Variants in DNAH5 observed in about 807,000 individuals in gnomAD.
DNAH5 encodes dynein axonemal heavy chain 5.
DNAH5 carries 372 observed loss-of-function variants against 518.2 expected under a neutral mutation model. The ratio of observed to expected loss-of-function variants is 0.72; its 90% confidence interval spans 0.66 to 0.78. The LOEUF (loss-of-function observed/expected upper bound fraction) is 0.78. DNAH5 is among the 30% of genes least tolerant of loss of function. The pLI, the probability that DNAH5 is intolerant of heterozygous loss-of-function variation, is 0.00. For missense variants in DNAH5, 5,523 were observed against 5,687.0 expected (o/e 0.97, Z 0.93); for synonymous variants, 2,039 against 2,025.9 (o/e 1.01, Z -0.17).
chr5:13,833,596 G>T (rs1204404491), intron 35 of DNAH5, among the ~76,000 whole-genome samples: 4 of 152,166 alleles, frequency 2.6e-5, no homozygotes, highest in Admixed American at 2.0e-4. Flanking sequence ...AGGGAATGAG[G>T]GAGGTTAGGT....
At position 13,830,032 on chromosome 5, in the gene DNAH5, T is replaced by G. The variant is rs753453355; in HGVS notation, c.6243A>C (p.Leu2081Phe). ...VTMNPEFGLF[L>F]TMNPGYAGRQ... ...TTTTCTAGCAGCTCCTTACCATGGT[T>G]AAGAAAAGCCCAAATTCAGGGTTCA... The change falls in exon 37 of 79, where the codon TTA (leucine) becomes TTC (phenylalanine). Residue 2081 changes from leucine (L) to phenylalanine (F), a missense_variant. This residue lies in a region of DNAH5 where 5,121 missense variants were observed against 5,223.3 expected (regional missense o/e 0.98). Transcript: ENST00000265104. 1 of 1,613,860 alleles carries G rather than the reference T, an allele frequency of 6.2e-7. No homozygotes were observed. The highest frequency in any genetic ancestry group is 8.5e-7 in the Non-Finnish European group (1 of 1,179,832).
In DNAH5 at chr5:13,864,604, C is replaced by T. The variant is rs758550738; in HGVS notation, c.4389G>A (p.Trp1463Ter). The change falls in exon 28 of 79, where the codon TGG becomes TGA. Residue 1463 changes from tryptophan (W) to a stop codon, truncating the protein, a stop_gained. Transcript: ENST00000265104. LOFTEE classifies it high-confidence loss of function. ...TCTTCTTCAGGTCCAAAAAAGCCTG[C>T]CAGTCCTTCAAGGCCCGGGGAAGCT... ...CRKLPRALKDWQAFLDLKKII... is the reference protein window; with the variant it reads ...CRKLPRALKD 5 of 1,614,004 alleles carry T rather than the reference C, an allele frequency of 3.1e-6. No individual in the cohort carries two copies. In the South Asian group the frequency reaches 3.3e-5, roughly 11 times the overall value.
At chr5:13,944,923 A>G (rs1366656903), upstream of DNAH5, among the ~76,000 whole-genome samples, 1 of 152,250 alleles carries the variant, frequency 6.6e-6, no homozygotes, top group East Asian at 1.9e-4. Context: ...ACAGCTCTGA[A>G]TATATTGTCC....
At chr5:13,856,767 A>T (rs1377087545) in intron 30 of DNAH5, among the ~76,000 whole-genome samples, 1 of 152,214 alleles carries the variant, frequency 6.6e-6, no homozygotes, top group Non-Finnish European at 1.5e-5. Context: ...AAACCACATG[A>T]TTATCTCAAT....
chr5:13,852,098 C>G (rs1375997033), intron 30 of DNAH5, among the ~76,000 whole-genome samples: 1 of 106 alleles, frequency 9.4e-3, no homozygotes, highest in East Asian at 0.5. Context: ...GTGCCTACCC[C>G]ACAAGGGCCT....
chr5:14,007,728 G>A (rs1346371633), intron 1 of DNAH5, among the ~76,000 whole-genome samples: 3 of 152,164 alleles, frequency 2.0e-5, no homozygotes, highest in Non-Finnish European at 4.4e-5. Context: ...CTTGCTGTAA[G>A]TTACCCAAAA....
chr5:13,885,792 C>T (rs75331370), intron 18 of DNAH5, among the ~76,000 whole-genome samples, 172 bp downstream of exon 18: 2,334 of 152,238 alleles, frequency 0.015, 64 homozygotes, highest in African/African-American at 0.052. Context: ...GAATTAACAA[C>T]ATAGAGTCAC....
At chr5:13,943,827 A>G (rs1779681289) in intron 1 of DNAH5, among the ~76,000 whole-genome samples, 2 of 152,210 alleles carry the variant, frequency 1.3e-5, no homozygotes, top group Admixed American at 1.3e-4. Flanking sequence ...GTTAATTGGC[A>G]GTGGAAGAGG....
At chr5:13,733,899 T>C (rs1476814065) in intron 68 of DNAH5, among the ~76,000 whole-genome samples, 1 of 152,096 alleles carries the variant, frequency 6.6e-6, no homozygotes, top group Non-Finnish European at 1.5e-5. Context: ...TCCTGCTAGA[T>C]AAAATTATGT....
Position 13,976,710 on chromosome 5 carries a change from T to TACAC in DNAH5, c.12+34934_12+34937dup, listed in dbSNP as rs111246854. Among the ~76,000 whole-genome samples, 227 of 133,098 alleles carry TACAC rather than the reference T, an allele frequency of 1.7e-3. 2 individuals are homozygous for TACAC. The highest frequency in any genetic ancestry group is 0.016 in the East Asian group (69 of 4,222). The allele number at this position is 133,098 out of a possible 152,430, so 87.3% of individuals were successfully genotyped here. ...GTGTGTATATATATATATATATATA[T>TACAC]ACACACACACACATACACACACACA... On this transcript the variant is annotated intron_variant, in intron 1 of 78. Coordinates refer to the DNAH5 transcript ENST00000681290.
chr5:13,830,477 C>CA, intron 36 of DNAH5, 120 bp downstream of exon 36: 2 of 1,302,310 alleles, frequency 1.5e-6, no homozygotes, highest in Non-Finnish European at 2.2e-6. Context: ...GAAGATTTTC[C>CA]AAAAAATTTT....
chr5:13,963,209 TAAAAACA>T (rs1007564060), intron 1 of DNAH5, among the ~76,000 whole-genome samples: 2 of 152,144 alleles, frequency 1.3e-5, no homozygotes, highest in African/African-American at 4.8e-5. Flanking sequence ...TACAACTCTC[TAAAAACA>T]AAAAGACAAA....
chr5:13,932,623 A>G (rs1441696360), intron 1 of DNAH5, among the ~76,000 whole-genome samples: 1 of 152,210 alleles, frequency 6.6e-6, no homozygotes, highest in Non-Finnish European at 1.5e-5. Flanking sequence ...ATCCACGGAG[A>G]ATCACTGATG....
intron 7 of DNAH5, among the ~76,000 whole-genome samples, chr5:13,917,631 C>G (rs1017234268): frequency 1.8e-4 from 27 of 152,314 alleles, no homozygotes; most frequent in Admixed American, 1.2e-3. Context: ...TCCTATATCC[C>G]TATACATTTA....
rs1198738015 is a variant in DNAH5 at position 13,820,841 on chromosome 5, A to AAAAAAG, written c.6688-343_6688-342insCTTTTT. On this transcript the variant is annotated intron_variant, in intron 40 of 78. Transcript: ENST00000265104. ...CTCCGTCTCAAAAAAAAAAAAAAAA[A>AAAAAAG]AAACACATCAATGACAATCTCAATT... Among the ~76,000 whole-genome samples the AAAAAAG allele has an allele frequency of 3.3e-4, 46 of 137,580 alleles. 2 individuals carry two copies. Among genetic ancestry groups the AAAAAAG allele is most frequent in the African/African-American group, 9.7e-4 (35 of 36,256 alleles). The allele number at this position is 137,580 out of a possible 152,430, so 90.3% of individuals were successfully genotyped here.
chr5:13,880,891 G>A (rs1771576415), intron 21 of DNAH5, among the ~76,000 whole-genome samples: 1 of 151,676 alleles, frequency 6.6e-6, no homozygotes, highest in Admixed American at 6.6e-5. Flanking sequence ...GTGGCCAAAT[G>A]AACTAAAAGA....
chr5:13,769,199 A>T lies in DNAH5; in HGVS notation c.9721-63T>A, dbSNP rs78410631. The T allele has an allele frequency of 4.7e-3, 7,309 of 1,565,256 alleles. 240 individuals carry two copies. In the African/African-American group the frequency reaches 0.08, roughly 17 times the overall value. On this transcript the variant is annotated intron_variant, in intron 57 of 78. Coordinates refer to ENST00000265104, the MANE Select transcript of DNAH5 (RefSeq NM_001369.3). ...GTATTAAACATCCAGCTGAAAATGC[A>T]CATTTTTGCCTTGATTTGTTGATTT...
chr5:13,844,894 T>A lies in DNAH5; in HGVS notation c.5214A>T (p.Ile1738=). The A allele has an allele frequency of 6.2e-7, 1 of 1,614,178 alleles. No homozygotes were observed. Among genetic ancestry groups the A allele is most frequent in the Non-Finnish European group, 8.5e-7 (1 of 1,180,026 alleles). The part of the protein sequence containing the change: ...ILGQASDSHT[I]QAHLLNVFDN... ...CAAACACATTCAGCAAATGGGCCTG[T>A]ATAGTGTGGGAGTCCGACGCCTGCC... The change falls in exon 32 of 79, where the codon ATA becomes ATT. Residue 1738 remains isoleucine (I), a synonymous_variant. Coordinates refer to ENST00000265104, the MANE Select transcript of DNAH5 (RefSeq NM_001369.3).
chr5:14,008,401 T>C (rs957685613), intron 1 of DNAH5, among the ~76,000 whole-genome samples: 1 of 144,232 alleles, frequency 6.9e-6, no homozygotes, highest in Non-Finnish European at 1.5e-5. Context: ...GGCGGGTGGG[T>C]TACTTGAGCC....
Sources: gnomAD v4.1 joint callset for allele counts (sites outside exome capture counted in the v4.1 genomes callset) on GRCh38, gnomAD v4.1.1 for gene constraint, gnomAD v4.1.1 regional missense constraint, MANE v1.5 for transcripts, NCBI Gene and HGNC (gene_info 2026-07-23, HGNC 2026-07-21) for gene names.